The following RRP1B variants were observed in gnomAD, a reference collection of about 807,000 sequenced individuals.
RRP1B encodes ribosomal RNA processing 1B.
RRP1B carries 56 observed loss-of-function variants against 80.2 expected under a neutral mutation model. The observed-to-expected ratio is 0.70, with a 90% CI of 0.56 to 0.87. The LOEUF is 0.87. Ranked by LOEUF, RRP1B falls within the 40% of genes least tolerant of loss-of-function variation. RRP1B has a pLI of 0.00. For missense variants in RRP1B, 807 were observed against 939.8 expected (o/e 0.86, Z 1.85); for synonymous variants, 351 against 357.6 (o/e 0.98, Z 0.21).
At chr21:43,682,059 G>A (rs2083045667) in intron 8 of RRP1B, among the ~76,000 whole-genome samples, 1 of 152,122 alleles carries the variant, frequency 6.6e-6, no homozygotes, top group Non-Finnish European at 1.5e-5. Context: ...TTGAGCCCAG[G>A]AGTTTGAGAC....
chr21:43,670,718 A>C (rs185342504), intron 2 of RRP1B, among the ~76,000 whole-genome samples: 1 of 152,130 alleles, frequency 6.6e-6, no homozygotes, highest in East Asian at 1.9e-4. Flanking sequence ...GTGTTAGTGT[A>C]TACTGTGTGT....
Position 43,687,570 on chromosome 21 carries a change from G to A in RRP1B, c.1196G>A (p.Arg399Lys), listed in dbSNP as rs1276373707. Residue 399 changes from arginine (R) to lysine (K), a missense_variant, in exon 13 of 16, where the codon AGA (arginine) becomes AAA (lysine). By Grantham distance (26) the Arg-to-Lys change is conservative. Coordinates refer to ENST00000340648, the MANE Select transcript of RRP1B (RefSeq NM_015056.3). Reference protein sequence around the residue: ...EEDSESSLQKRRRKKKKKHHL... With the variant: ...EEDSESSLQKKRRKKKKKHHL... Reference sequence around the variant, plus strand: ...GACAGTGAAAGCAGTCTTCAAAAGAGAAGAAGGAAGAAGAAGAAGAAGCAC... The same window carrying A: ...GACAGTGAAAGCAGTCTTCAAAAGAAAAGAAGGAAGAAGAAGAAGAAGCAC... The A allele has an allele frequency of 6.6e-7, 1 of 1,505,600 alleles. No individual in the cohort carries two copies. The highest frequency in any genetic ancestry group is 8.8e-7 in the Non-Finnish European group (1 of 1,135,044). 93.3% of individuals were successfully genotyped at this position (1,505,600 alleles called of 1,614,324 possible). A position where few individuals can be genotyped will look rare whatever the true frequency, so the allele number is the denominator to read the frequency against.
chr21:43,668,447 A>T (rs979278324), intron 1 of RRP1B, among the ~76,000 whole-genome samples: 1 of 151,296 alleles, frequency 6.6e-6, no homozygotes, highest in Admixed American at 6.6e-5. Context: ...TGCAAAGTGC[A>T]AACTCCACCT....
Position 43,687,568 on chromosome 21 carries a change from GAGA to G in RRP1B, c.1200_1202del (p.Arg401del), listed in dbSNP as rs774264453. 15 of 1,504,790 alleles carry G rather than the reference GAGA, an allele frequency of 1.0e-5. No homozygotes were observed. The Admixed American group carries it at 2.7e-4, about 27-fold the overall frequency. The allele number at this position is 1,504,790 out of a possible 1,614,324, so 93.2% of individuals were successfully genotyped here. ...AGGACAGTGAAAGCAGTCTTCAAAA[GAGA>G]AGAAGGAAGAAGAAGAAGAAGCACC... On this transcript the variant is annotated inframe_deletion, in exon 13 of 16. Transcript: ENST00000340648.
chr21:43,683,229 T>TC, intron 8 of RRP1B, 50 bp from the exon 9 acceptor site: 1 of 1,457,586 alleles, frequency 6.9e-7, no homozygotes, highest in Non-Finnish European at 9.6e-7. Flanking sequence ...AGTAGTCACT[T>TC]CTGTGTATTT....
At chr21:43,662,246 A>G (rs964200568) in intron 1 of RRP1B, among the ~76,000 whole-genome samples, 4 of 152,258 alleles carry the variant, frequency 2.6e-5, no homozygotes, top group African/African-American at 9.6e-5. Flanking sequence ...GCCTAAGACC[A>G]GTTTACACCA....
chr21:43,688,044 GGGC>G lies in RRP1B; in HGVS notation c.1672_1674del (p.Ala558del), dbSNP rs1334125030. The G allele has an allele frequency of 3.1e-6, 5 of 1,612,058 alleles. No individual in the cohort carries two copies. The highest frequency in any genetic ancestry group is 4.2e-6 in the Non-Finnish European group (5 of 1,179,418). On this transcript the variant is annotated inframe_deletion, in exon 13 of 16. Transcript: ENST00000340648. The stretch of plus-strand genomic sequence containing the variant: ...GGCCCTCCCACAGGCCCCGCAGAGG[GGGC>G]GAACAGCCACACCACGCTGCCCCAG...
chr21:43,688,080 G>A lies in RRP1B; in HGVS notation c.1706G>A (p.Arg569Lys). Residue 569 changes from arginine (R) to lysine (K), a missense_variant, in exon 13 of 16, where the codon AGG (arginine) becomes AAG (lysine). Physicochemically the swap from Arg to Lys is conservative, Grantham distance 26. Coordinates refer to ENST00000340648, the MANE Select transcript of RRP1B (RefSeq NM_015056.3). Reference sequence around the variant, plus strand: ...CACACCACGCTGCCCCAGCGCAGGAGGCTGCAGAAAAAGAAGGCAGGGCCC... The same window carrying A: ...CACACCACGCTGCCCCAGCGCAGGAAGCTGCAGAAAAAGAAGGCAGGGCCC... The part of the protein sequence containing the change: ...NSHTTLPQRR[R>K]LQKKKAGPGS... The A allele has an allele frequency of 1.2e-6, 2 of 1,611,758 alleles. No homozygotes were observed. Among genetic ancestry groups the A allele is most frequent in the Non-Finnish European group, 1.7e-6 (2 of 1,179,304 alleles).
chr21:43,668,073 G>T (rs1248375007), intron 1 of RRP1B, among the ~76,000 whole-genome samples: 1 of 152,054 alleles, frequency 6.6e-6, no homozygotes, highest in Non-Finnish European at 1.5e-5. Context: ...GCCAGGCGTG[G>T]TGGCACGCGC....
At chr21:43,687,054 C>A in intron 12 of RRP1B, 119 bp downstream of exon 12, 1 of 1,172,420 alleles carries the variant, frequency 8.5e-7, no homozygotes, top group Non-Finnish European at 1.2e-6. Context: ...CCCAAAGCTT[C>A]AGTCTTTAAT....
intron 8 of RRP1B, among the ~76,000 whole-genome samples, chr21:43,677,621 A>G (rs909336254): frequency 3.7e-4 from 56 of 152,236 alleles, no homozygotes; most frequent in African/African-American, 1.2e-3. Flanking sequence ...TTTTTAAAGC[A>G]GGGTACAAAC....
At chr21:43,692,018 G>T (rs1310713037) in intron 15 of RRP1B, among the ~76,000 whole-genome samples, 1 of 152,184 alleles carries the variant, frequency 6.6e-6, no homozygotes, top group Non-Finnish European at 1.5e-5. Context: ...GGCTGTGAGT[G>T]GGGTGCCAGT....
chr21:43,691,627 CTTTATT>C lies in RRP1B; in HGVS notation c.2083+135_2083+140del. 2 of 605,966 alleles carry C rather than the reference CTTTATT, an allele frequency of 3.3e-6. No individual in the cohort carries two copies. Among genetic ancestry groups the C allele is most frequent in the Non-Finnish European group, 5.6e-6 (2 of 357,746 alleles). The allele number at this position is 605,966 out of a possible 1,614,324, so 37.5% of individuals were successfully genotyped here. On this transcript the variant is annotated intron_variant, in intron 15 of 15. Coordinates refer to ENST00000340648, the MANE Select transcript of RRP1B (RefSeq NM_015056.3). This position sits in a 1 kb window ranked among gnomAD's most constrained non-coding sequence, Gnocchi z 4.2. ...GGTCCTAGCTCCTCACTGCCCATTT[CTTTATT>C]TTTATTTTTTTTTTTTTTTTGAGAC...
chr21:43,692,847 C>G (rs1025477648), intron 15 of RRP1B, among the ~76,000 whole-genome samples: 1 of 152,144 alleles, frequency 6.6e-6, no homozygotes. Context: ...CTCCACATAG[C>G]ACAGATTTGT....
At chr21:43,683,165 G>A (rs1487096134) in intron 8 of RRP1B, 114 bp from the exon 9 acceptor site, 2 of 775,406 alleles carry the variant, frequency 2.6e-6, no homozygotes, top group Non-Finnish European at 4.2e-6. Context: ...GAGCCACCGT[G>A]CCCAACCTTC....
At chr21:43,684,949 T>C (rs2083057451) in intron 10 of RRP1B, among the ~76,000 whole-genome samples, 2 of 152,126 alleles carry the variant, frequency 1.3e-5, no homozygotes, top group Non-Finnish European at 2.9e-5. Flanking sequence ...AATCTGCTAT[T>C]TAGGTGTCTT....
At chr21:43,665,556 T>A (rs1020195987) in intron 1 of RRP1B, among the ~76,000 whole-genome samples, 22 of 152,198 alleles carry the variant, frequency 1.4e-4, no homozygotes, top group Non-Finnish European at 1.9e-4. Context: ...ATTTATTTGT[T>A]TATTTTTTGA....
chr21:43,690,907 T>C (rs2083083665), intron 14 of RRP1B, among the ~76,000 whole-genome samples: 1 of 152,048 alleles, frequency 6.6e-6, no homozygotes, highest in Admixed American at 6.5e-5. Flanking sequence ...TAGCTCAGAG[T>C]CCTTGTGCAC....
intron 1 of RRP1B, among the ~76,000 whole-genome samples, chr21:43,667,355 T>TGGG (rs2082982354): frequency 6.6e-6 from 1 of 152,196 alleles, no homozygotes; most frequent in African/African-American, 2.4e-5. Flanking sequence ...GCCACCTGAG[T>TGGG]ACTTGGGACT....
Sources: gnomAD v4.1 joint callset for allele counts (sites outside exome capture counted in the v4.1 genomes callset) on GRCh38, gnomAD v4.1.1 for gene constraint, Gnocchi (gnomAD v3.1) non-coding constraint, MANE v1.5 for transcripts, NCBI Gene and HGNC (gene_info 2026-07-23, HGNC 2026-07-21) for gene names.